Variants in MCCC2 observed in about 807,000 individuals in gnomAD.
MCCC2 encodes the protein methylcrotonyl-CoA carboxylase subunit 2, also known as methylcrotonoyl-CoA carboxylase beta chain, mitochondrial.
MCCC2 carries 52 observed loss-of-function variants against 77.2 expected under a neutral mutation model. The ratio of observed to expected loss-of-function variants is 0.67; its 90% CI spans 0.54 to 0.85. MCCC2 has a LOEUF of 0.85. MCCC2 is among the 40% of genes least tolerant of loss of function. The probability of loss-of-function intolerance (pLI) is 0.00; values close to 1 mark genes in which losing one functional copy is unlikely to be tolerated. For synonymous variants in MCCC2, 253 were observed against 248.4 expected, an observed-to-expected ratio of 1.02 and a Z score of -0.18; for missense variants, 682 against 703.2, an observed-to-expected ratio of 0.97 and a Z score of 0.34.
At chr5:71,646,324 T>C (rs1357359022) in intron 13 of MCCC2, 47 bp downstream of exon 13, 2 of 1,559,650 alleles carry the variant, frequency 1.3e-6, no homozygotes, top group Non-Finnish European at 1.8e-6. Flanking sequence ...TCCAGAGCTG[T>C]ACCATCAGTG....
Position 71,587,479 on chromosome 5 carries a change from C to G in MCCC2, c.54C>G (p.Ala18=), listed in dbSNP as rs747327321. ...GGCCGTGTGCCCGCGCCTCTCCCGC[C>G]GGGCCGCGCGCCTATCACGGGGACT... ...ALRPCARASP[A]GPRAYHGDSV... The change falls in exon 1 of 17, where the codon GCC becomes GCG. Residue 18 remains alanine (A), a synonymous_variant. Coordinates refer to ENST00000340941, the MANE Select transcript of MCCC2 (RefSeq NM_022132.5). The G allele has an allele frequency of 2.0e-6, 3 of 1,536,804 alleles. No homozygotes were observed. The Admixed American group carries it at 5.9e-5, about 30-fold the overall frequency.
intron 6 of MCCC2, among the ~76,000 whole-genome samples, chr5:71,608,764 G>A (rs1272946223): frequency 6.6e-6 from 1 of 152,098 alleles, no homozygotes; most frequent in African/African-American, 2.4e-5. Context: ...GGCAGGCCTG[G>A]TGGTGACAGA....
intron 14 of MCCC2, 109 bp from the exon 15 acceptor site, chr5:71,649,960 A>T: frequency 1.2e-6 from 1 of 805,060 alleles, no homozygotes; most frequent in Non-Finnish European, 2.1e-6. Context: ...AGATGATTGT[A>T]ATGTGCAGCC....
intron 6 of MCCC2, 30 bp downstream of exon 6, chr5:71,604,498 G>C (rs753769696): frequency 2.0e-6 from 3 of 1,533,956 alleles, no homozygotes; most frequent in Non-Finnish European, 2.7e-6. Context: ...GTGTACAGTG[G>C]TGCTTTTTAC....
chr5:71,602,553 C>T lies in MCCC2; in HGVS notation c.431C>T (p.Ala144Val), dbSNP rs200147539. The change falls in exon 5 of 17, where the codon GCC (alanine) becomes GTC (valine). Residue 144 changes from alanine (A) to valine (V), a missense_variant. Coordinates refer to ENST00000340941, the MANE Select transcript of MCCC2 (RefSeq NM_022132.5). ...AATGATGCCACCGTCAAAGGAGGTG[C>T]CTACTACCCAGTGACTGTGAAAAAA... ...IANDATVKGG[A>V]YYPVTVKKQL... The T allele has an allele frequency of 1.2e-6, 2 of 1,614,090 alleles. No individual in the cohort carries two copies. The highest frequency in any genetic ancestry group is 2.2e-5 in the East Asian group (1 of 44,878).
chr5:71,610,619 G>A (rs1345985578), intron 6 of MCCC2, among the ~76,000 whole-genome samples: 1 of 152,174 alleles, frequency 6.6e-6, no homozygotes, highest in Non-Finnish European at 1.5e-5. Context: ...TCCACAGAGA[G>A]TATCTAAAGG....
intron 7 of MCCC2, among the ~76,000 whole-genome samples, chr5:71,631,116 A>T (rs1442955777): frequency 6.6e-6 from 1 of 152,042 alleles, no homozygotes; most frequent in East Asian, 1.9e-4. Flanking sequence ...TCTCTTTCCT[A>T]TGCAGAGTTT....
intron 6 of MCCC2, among the ~76,000 whole-genome samples, chr5:71,623,646 T>C (rs1250380305): frequency 6.6e-6 from 1 of 152,204 alleles, no homozygotes; most frequent in Non-Finnish European, 1.5e-5. Flanking sequence ...AGTGAGTCAC[T>C]GGACCCACCA....
intron 6 of MCCC2, among the ~76,000 whole-genome samples, chr5:71,624,550 T>C (rs1035177844): frequency 5.3e-5 from 8 of 151,728 alleles, no homozygotes; most frequent in African/African-American, 1.9e-4. Flanking sequence ...GCTAATCTTG[T>C]ATTTTTAGTA....
intron 6 of MCCC2, among the ~76,000 whole-genome samples, chr5:71,604,783 C>T (rs1373675140): frequency 1.5e-4 from 22 of 148,684 alleles, no homozygotes; most frequent in Admixed American, 8.8e-4. Flanking sequence ...TTCCTGTGTC[C>T]ATGTGATCTC....
At chr5:71,592,767 A>G in intron 1 of MCCC2, 159 bp from the exon 2 acceptor site, 2 of 673,890 alleles carry the variant, frequency 3.0e-6, no homozygotes, top group Non-Finnish European at 2.7e-6. Flanking sequence ...CATACGATCC[A>G]GTGGCCCAGC....
intron 11 of MCCC2, among the ~76,000 whole-genome samples, chr5:71,643,186 C>T (rs1002454052): frequency 2.0e-5 from 3 of 152,044 alleles, no homozygotes; most frequent in African/African-American, 7.2e-5. Flanking sequence ...AGTTCCAGAC[C>T]AGCCTGGCAA....
At chr5:71,640,129 C>T (rs987957444) in intron 10 of MCCC2, among the ~76,000 whole-genome samples, 10 of 152,122 alleles carry the variant, frequency 6.6e-5, no homozygotes, top group African/African-American at 2.4e-4. Flanking sequence ...AATTTCCACT[C>T]CTTTATACAT....
At chr5:71,646,512 C>T (rs1747279082) in intron 13 of MCCC2, among the ~76,000 whole-genome samples, 1 of 152,152 alleles carries the variant, frequency 6.6e-6, no homozygotes, top group African/African-American at 2.4e-5. Context: ...CAGGCATGTG[C>T]CACCATGCCT....
chr5:71,651,369 C>A (rs2112471058), intron 15 of MCCC2, among the ~76,000 whole-genome samples: 1 of 152,298 alleles, frequency 6.6e-6, no homozygotes, highest in Non-Finnish European at 1.5e-5. Context: ...CAAGCGGCTG[C>A]TTTTAAAATG....
At chr5:71,599,507 A>G in intron 3 of MCCC2, 152 bp from the exon 4 acceptor site, 2 of 676,560 alleles carry the variant, frequency 3.0e-6, no homozygotes, top group Non-Finnish European at 5.2e-6. Context: ...CACCACACCC[A>G]TTTTAGATTT....
chr5:71,618,488 T>TCTTCCTTCCTTCCTTCCTTCCTGC, intron 6 of MCCC2, among the ~76,000 whole-genome samples: 1 of 97,224 alleles, frequency 1.0e-5, no homozygotes, highest in African/African-American at 3.9e-5. Flanking sequence ...CTTCTTTCCT[T>TCTTCCTTCCTTCCTTCCTTCCTGC]CTTCCTTCCT....
intron 2 of MCCC2, among the ~76,000 whole-genome samples, chr5:71,593,572 T>A (rs1745065465): frequency 6.6e-6 from 1 of 151,710 alleles, no homozygotes; most frequent in South Asian, 2.1e-4. Flanking sequence ...ATTTTTTTTT[T>A]AAGAGATGGG....
intron 6 of MCCC2, among the ~76,000 whole-genome samples, chr5:71,625,844 A>C (rs968427840): frequency 2.6e-5 from 4 of 152,214 alleles, no homozygotes; most frequent in African/African-American, 9.6e-5. Flanking sequence ...TTGCATGCCT[A>C]TAAGGAAAAC....
Sources: allele counts gnomAD v4.1 joint callset (sites outside exome capture counted in the v4.1 genomes callset), GRCh38; gene constraint gnomAD v4.1.1; transcripts MANE v1.5; gene names NCBI Gene and HGNC (gene_info 2026-07-23, HGNC 2026-07-21).